Variants in THOC2 observed in about 807,000 individuals in gnomAD.
THOC2 encodes the protein THO complex subunit 2, also known as THO complex 2.
In THOC2, 10 loss-of-function variants were observed where a neutral mutation model predicts 128.4. The observed-to-expected ratio is 0.08, with a 90% CI of 0.05 to 0.13. The LOEUF is 0.13. Ranked by LOEUF, THOC2 falls within the 10% of genes least tolerant of loss-of-function variation. The probability of loss-of-function intolerance (pLI) is 1.00; values close to 1 mark genes in which losing one functional copy is unlikely to be tolerated. For missense variants in THOC2, 535 were observed against 1,155.7 expected, an observed-to-expected ratio of 0.46 and a Z score of 7.79; for synonymous variants, 393 against 396.9, an observed-to-expected ratio of 0.99 and a Z score of 0.12.
chrX:123,680,918 A>G (rs1042091137), intron 8 of THOC2, among the ~76,000 whole-genome samples: 1 of 110,484 alleles, frequency 9.1e-6, no homozygotes, highest in African/African-American at 3.3e-5. Context: ...GCCACACACA[A>G]TCAGACTGAT....
intron 7 of THOC2, among the ~76,000 whole-genome samples, chrX:123,691,247 C>A (rs764098096): frequency 2.7e-5 from 3 of 111,525 alleles, no homozygotes; most frequent in South Asian, 7.5e-4. Context: ...CAACAAAAAA[C>A]CCCTATAGTT....
At chrX:123,729,527 A>C (rs763299924) in intron 1 of THOC2, among the ~76,000 whole-genome samples, 8 of 112,209 alleles carry the variant, frequency 7.1e-5, no homozygotes, top group Middle Eastern at 4.7e-3. Context: ...CCCAGAAAAG[A>C]TTTATGCTGG....
chrX:123,663,322 AG>A (rs1470860356), intron 12 of THOC2, among the ~76,000 whole-genome samples: 2 of 111,785 alleles, frequency 1.8e-5, no homozygotes, highest in Non-Finnish European at 3.8e-5. Context: ...GACTGAAAAG[AG>A]TATATACCAT....
At chrX:123,653,893 TC>T (rs1310334510) in intron 12 of THOC2, among the ~76,000 whole-genome samples, 2 of 111,758 alleles carry the variant, frequency 1.8e-5, no homozygotes, top group Non-Finnish European at 3.8e-5. Context: ...GACCCAGCAA[TC>T]CCATTACTGG....
chrX:123,663,617 T>C (rs950094447), intron 12 of THOC2, among the ~76,000 whole-genome samples: 5 of 108,743 alleles, frequency 4.6e-5, no homozygotes, highest in Non-Finnish European at 7.6e-5. Flanking sequence ...TTGCAGGTAC[T>C]ATTCTGTTTT....
Position 123,667,107 on chromosome X carries a change from T to G in THOC2, c.1189A>C (p.Arg397=), listed in dbSNP as rs1340487180. 8.5e-7 allele frequency: 1 copy of G among 1,175,753 alleles called. No individual in the cohort carries two copies. The highest frequency in any genetic ancestry group is 1.9e-5 in the South Asian group (1 of 51,420). The part of the protein sequence containing the change: ...IHITIEPLYR[R]VGVPKGAKGS... ...TTAATAAAGTATAAAGTTACATACC[T>G]TCGGTAGAGAGGCTCAATAGTTATA... Residue 397 remains arginine (R), a splice_region_variant and synonymous_variant, in exon 11 of 39, where the codon AGA becomes CGA. Coordinates refer to ENST00000245838, the MANE Select transcript of THOC2 (RefSeq NM_001081550.2).
At chrX:123,636,734 C>G (rs1234515097) in intron 18 of THOC2, among the ~76,000 whole-genome samples, 2 of 111,605 alleles carry the variant, frequency 1.8e-5, no homozygotes, top group African/African-American at 6.5e-5. Flanking sequence ...CTTATCATAC[C>G]ATGAATAGGG....
At chrX:123,693,733 G>A (rs1375872801) in intron 7 of THOC2, among the ~76,000 whole-genome samples, 1 of 111,177 alleles carries the variant, frequency 9.0e-6, no homozygotes, top group African/African-American at 3.3e-5. Flanking sequence ...ACAGGTGGAG[G>A]GGGAGGAGGT....
intron 2 of THOC2, among the ~76,000 whole-genome samples, chrX:123,707,154 C>T (rs2050967351): frequency 8.9e-6 from 1 of 111,997 alleles, no homozygotes; most frequent in South Asian, 3.7e-4. Context: ...CTCTCCACTA[C>T]TATAACTACA....
intron 12 of THOC2, among the ~76,000 whole-genome samples, chrX:123,648,953 G>A (rs1012293067): frequency 8.9e-6 from 1 of 112,211 alleles, no homozygotes; most frequent in Non-Finnish European, 1.9e-5. Flanking sequence ...TCAGCACAGT[G>A]CTCAAGCTCT....
intron 15 of THOC2, among the ~76,000 whole-genome samples, chrX:123,642,719 C>A (rs1186044593): frequency 1.9e-5 from 2 of 107,090 alleles, no homozygotes; most frequent in Non-Finnish European, 3.8e-5. Context: ...CCCATTTTTA[C>A]AAAGAAAAAC....
At chrX:123,680,495 C>T (rs1482330251) in intron 8 of THOC2, among the ~76,000 whole-genome samples, 7 of 109,965 alleles carry the variant, frequency 6.4e-5, no homozygotes, top group Non-Finnish European at 1.3e-4. Flanking sequence ...ATGGATCCTC[C>T]GTATGCTGAA....
chrX:123,706,976 A>C, intron 2 of THOC2, 27 bp from the exon 3 acceptor site: 1 of 813,287 alleles, frequency 1.2e-6, no homozygotes, highest in Non-Finnish European at 1.7e-6. Flanking sequence ...AAATAATGTA[A>C]GGATACAGTC....
intron 3 of THOC2, 61 bp downstream of exon 3, chrX:123,706,797 T>C: frequency 2.1e-6 from 1 of 484,714 alleles, no homozygotes. Context: ...TCAGGGATCT[T>C]TGTGTCAAAG....
At chrX:123,673,879 C>T (rs143718253) in intron 8 of THOC2, among the ~76,000 whole-genome samples, 3,567 of 111,472 alleles carry the variant, frequency 0.032, 96 homozygotes, top group African/African-American at 0.082. Flanking sequence ...TATTCTCCCT[C>T]TATCCACCCA....
intron 19 of THOC2, among the ~76,000 whole-genome samples, chrX:123,635,394 C>T (rs2047635858): frequency 9.0e-6 from 1 of 111,548 alleles, no homozygotes; most frequent in African/African-American, 3.2e-5. Context: ...TCAATAATTA[C>T]TTAGGTAATA....
At chrX:123,664,215 T>C (rs1054404849) in intron 12 of THOC2, among the ~76,000 whole-genome samples, 12 of 112,106 alleles carry the variant, frequency 1.1e-4, no homozygotes, top group African/African-American at 3.9e-4. Context: ...CAAAGATGGA[T>C]TAAAGACTTA....
rs60969537 is a variant in THOC2 at position 123,657,960 on chromosome X, CGTGTGTGTGTGTGTGTGTGTGT to C, written c.1386+7660_1386+7681del. Among the ~76,000 whole-genome samples, 367 of 94,812 alleles carry C rather than the reference CGTGTGTGTGTGTGTGTGTGTGT, an allele frequency of 3.9e-3. 3 individuals are homozygous for C. The highest frequency in any genetic ancestry group is 0.013 in the African/African-American group (342 of 25,938). 82.3% of individuals were successfully genotyped at this position (94,812 alleles called of 115,157 possible). A position where few individuals can be genotyped will look rare whatever the true frequency, so the allele number is the denominator to read the frequency against. ...ATGTATTTGATTACATACGCATATG[CGTGTGTGTGTGTGTGTGTGTGT>C]GTGTGTGTGTGTGTGTGTGTGTGTA... On this transcript the variant is annotated intron_variant, in intron 12 of 38. Transcript: ENST00000245838.
chrX:123,648,517 T>G (rs2048224063), intron 12 of THOC2, among the ~76,000 whole-genome samples: 1 of 111,765 alleles, frequency 8.9e-6, no homozygotes, highest in Non-Finnish European at 1.9e-5. Flanking sequence ...GTGGTCTAGC[T>G]CAGCAGATCC....
Sources: allele counts gnomAD v4.1 joint callset (sites outside exome capture counted in the v4.1 genomes callset), GRCh38; gene constraint gnomAD v4.1.1; transcripts MANE v1.5; gene names NCBI Gene and HGNC (gene_info 2026-07-23, HGNC 2026-07-21).